The following IDH3A variants were observed in gnomAD, a reference collection of about 807,000 sequenced individuals.
IDH3A encodes the protein isocitrate dehydrogenase (NAD(+)) 3 catalytic subunit alpha.
In IDH3A, 23 loss-of-function variants were observed where a neutral mutation model predicts 43.3. The ratio of observed to expected loss-of-function variants is 0.53; its 90% confidence interval spans 0.38 to 0.75. IDH3A has a LOEUF of 0.75. Ranked by LOEUF, IDH3A falls within the 30% of genes least tolerant of loss-of-function variation. The pLI, the probability that IDH3A is intolerant of heterozygous loss-of-function variation, is 0.00. For synonymous variants in IDH3A, 154 were observed against 163.5 expected (o/e 0.94, Z 0.44); for missense variants, 329 against 474.4 (o/e 0.69, Z 2.85).
At chr15:78,164,932 G>A (rs1213767165) in intron 8 of IDH3A, 60 bp from the exon 9 acceptor site, 8 of 1,283,160 alleles carry the variant, frequency 6.2e-6, no homozygotes, top group African/African-American at 1.5e-5. Flanking sequence ...CTAAAATCTG[G>A]GTGCTAGGTG....
intron 3 of IDH3A, among the ~76,000 whole-genome samples, chr15:78,158,633 C>T (rs1253532298): frequency 4.0e-5 from 6 of 149,860 alleles, no homozygotes; most frequent in Non-Finnish European, 7.4e-5. Context: ...CATGCCACCA[C>T]GCCTGGCTAA....
At chr15:78,165,454 G>A (rs1433432649) in intron 9 of IDH3A, among the ~76,000 whole-genome samples, 1 of 152,006 alleles carries the variant, frequency 6.6e-6, no homozygotes, top group Admixed American at 6.6e-5. Context: ...GCCTCCCAAA[G>A]TTGCTGGGAT....
In IDH3A at chr15:78,171,520, A is replaced by C; in HGVS notation, c.*2515A>C. The stretch of plus-strand genomic sequence containing the variant: ...CAAAACTGTGAGCCGTTTCAGTTTC[A>C]TCGTGGGACCTAAAAGGGAAATGAG... On this transcript the variant is annotated 3_prime_UTR_variant, in exon 11 of 11. Transcript: ENST00000299518. The C allele has an allele frequency of 6.2e-7, 1 of 1,614,082 alleles. No individual in the cohort carries two copies. The highest frequency in any genetic ancestry group is 8.5e-7 in the Non-Finnish European group (1 of 1,179,918).
chr15:78,169,233 G>A lies in IDH3A; in HGVS notation c.*228G>A. ...TGTTTTATTTATTAAGTGTCTACCT[G>A]GTAAATGTTTTTTTTGTAAACTCTG... On this transcript the variant is annotated 3_prime_UTR_variant, in exon 11 of 11. Transcript: ENST00000299518. 2.9e-6 allele frequency: 1 copy of A among 342,924 alleles called. No homozygotes were observed. The highest frequency in any genetic ancestry group is 5.3e-6 in the Non-Finnish European group (1 of 190,028). 21.2% of individuals were successfully genotyped at this position (342,924 alleles called of 1,614,324 possible).
intron 6 of IDH3A, 30 bp downstream of exon 6, chr15:78,162,397 T>C (rs756401066): frequency 2.9e-5 from 46 of 1,609,718 alleles, no homozygotes; most frequent in Non-Finnish European, 3.7e-5. Context: ...CGGCACCCCA[T>C]CTTGCTTTGT....
rs769283673 is a variant in IDH3A at position 78,160,128 on chromosome 15, A to G, written c.211A>G (p.Ile71Val). ...IQWEERNVTA[I>V]QGPGGKWMIP... ...GTGGGAGGAGCGGAACGTCACTGCC[A>G]TTCAAGGACCTGGAGGAAAGTGGAT... Residue 71 changes from isoleucine (I) to valine (V), a missense_variant, in exon 4 of 11, where the codon ATT becomes GTT. By Grantham distance (29) the Ile-to-Val change is conservative. Around this residue, in one of 3 missense-constraint regions of IDH3A, gnomAD observed 212 missense variants for 345.5 expected, o/e 0.61. Transcript: ENST00000299518. 3 of 1,613,534 alleles carry G rather than the reference A, an allele frequency of 1.9e-6. No homozygotes were observed. In the Admixed American group the frequency reaches 5.0e-5, roughly 27 times the overall value.
chr15:78,161,514 G>A lies in IDH3A; in HGVS notation c.290-67G>A. 2 of 1,280,440 alleles carry A rather than the reference G, an allele frequency of 1.6e-6. No homozygotes were observed. The highest frequency in any genetic ancestry group is 2.2e-6 in the Non-Finnish European group (2 of 901,082). 79.3% of individuals were successfully genotyped at this position (1,280,440 alleles called of 1,614,324 possible). A position where few individuals can be genotyped will look rare whatever the true frequency, so the allele number is the denominator to read the frequency against. ...CACATTTCACAAGGTAGCCGAGGTGGGTTAGTAGGTCACACGTGAGACCAG... is the reference window on the plus strand; with the variant it reads ...CACATTTCACAAGGTAGCCGAGGTGAGTTAGTAGGTCACACGTGAGACCAG... On this transcript the variant is annotated intron_variant, in intron 4 of 10. Transcript: ENST00000299518. This position sits in a 1 kb window ranked among gnomAD's most constrained non-coding sequence, Gnocchi z 4.8.
Position 78,162,310 on chromosome 15 carries a change from A to G in IDH3A, c.554A>G (p.Glu185Gly). ...ASKRIAEFAF[E>G]YARNNHRSNV... ...AAGCGCATTGCTGAGTTTGCCTTTGAGTATGCCCGGAACAACCACCGGAGC... is the reference window on the plus strand; with the variant it reads ...AAGCGCATTGCTGAGTTTGCCTTTGGGTATGCCCGGAACAACCACCGGAGC... Residue 185 changes from glutamate to glycine, a missense_variant, in exon 6 of 11, where the codon GAG (glutamate) becomes GGG (glycine). Physicochemically the swap from Glu to Gly is moderately conservative, Grantham distance 98 (BLOSUM62 -2). Transcript: ENST00000299518. The G allele has an allele frequency of 6.2e-7, 1 of 1,614,070 alleles. No individual in the cohort carries two copies. The highest frequency in any genetic ancestry group is 8.5e-7 in the Non-Finnish European group (1 of 1,180,014).
In IDH3A at chr15:78,169,738, G is replaced by A. The variant is rs570171085; in HGVS notation, c.*733G>A. On this transcript the variant is annotated 3_prime_UTR_variant, in exon 11 of 11. Transcript: ENST00000299518. ...AATATTCTTTCCAAGAGCTTTTAATGAAGCAGAGAGCTAGTACTTCATTTT... is the reference window on the plus strand; with the variant it reads ...AATATTCTTTCCAAGAGCTTTTAATAAAGCAGAGAGCTAGTACTTCATTTT... The A allele has an allele frequency of 6.6e-6, 1 of 152,310 alleles. No individual in the cohort carries two copies. Among genetic ancestry groups the A allele is most frequent in the South Asian group, 2.1e-4 (1 of 4,824 alleles). The allele number at this position is 152,310 out of a possible 1,614,324, so 9.4% of individuals were successfully genotyped here.
Position 78,149,398 on chromosome 15 carries a change from G to C in IDH3A, c.-6G>C, listed in dbSNP as rs2074552706. The C allele has an allele frequency of 1.3e-6, 2 of 1,548,880 alleles. No homozygotes were observed. Among genetic ancestry groups the C allele is most frequent in the African/African-American group, 2.8e-5 (2 of 70,740 alleles). On this transcript the variant is annotated 5_prime_UTR_variant, in exon 1 of 11. Transcript: ENST00000299518. ...GGCTGTTGCTGCGGAGCCAGGAGGG[G>C]AAGCGATGGCTGGGCCCGCGTGGAT...
chr15:78,157,831 T>G (rs573172530), intron 3 of IDH3A, among the ~76,000 whole-genome samples, 200 bp downstream of exon 3: 1 of 152,126 alleles, frequency 6.6e-6, no homozygotes, highest in East Asian at 1.9e-4. Context: ...TTTCTTTTTT[T>G]TTTTTTTTTA....
At chr15:78,163,077 C>A (rs983910795) in intron 6 of IDH3A, among the ~76,000 whole-genome samples, 1 of 152,204 alleles carries the variant, frequency 6.6e-6, no homozygotes, top group African/African-American at 2.4e-5. Context: ...ATGTGTTACT[C>A]CAGCAACTTA....
chr15:78,156,188 G>A (rs1192263240), intron 2 of IDH3A, among the ~76,000 whole-genome samples: 1 of 152,074 alleles, frequency 6.6e-6, no homozygotes, highest in Non-Finnish European at 1.5e-5. Context: ...CATTTCAAAC[G>A]CATTCTGAAA....
intron 3 of IDH3A, chr15:78,159,820 G>GT: frequency 3.0e-6 from 1 of 328,840 alleles, no homozygotes; most frequent in Non-Finnish European, 5.9e-6. Flanking sequence ...GTGAGACCCT[G>GT]TCTCTACAAA....
chr15:78,155,395 A>G lies in IDH3A; in HGVS notation c.90+120A>G, dbSNP rs2074615720. 11 of 632,298 alleles carry G rather than the reference A, an allele frequency of 1.7e-5. No individual in the cohort carries two copies. In the South Asian group the frequency reaches 2.2e-4, roughly 13 times the overall value. 39.2% of individuals were successfully genotyped at this position (632,298 alleles called of 1,614,324 possible). A position where few individuals can be genotyped will look rare whatever the true frequency, so the allele number is the denominator to read the frequency against. On this transcript the variant is annotated intron_variant, in intron 2 of 10. Transcript: ENST00000299518. ...TTTAGAATTTGGGAAAATTGGCCAT[A>G]TTTATAATGTATGTTGAAATTACTG... is the stretch of plus-strand genomic sequence containing the variant.
chr15:78,153,309 G>A (rs536557309), intron 1 of IDH3A, among the ~76,000 whole-genome samples: 26 of 152,298 alleles, frequency 1.7e-4, no homozygotes, highest in African/African-American at 6.3e-4. Flanking sequence ...TGCACAGCCT[G>A]GTTGGTTGGG....
chr15:78,165,980 C>T (rs1015334367), intron 9 of IDH3A, 170 bp from the exon 10 acceptor site: 3 of 626,474 alleles, frequency 4.8e-6, no homozygotes, highest in African/African-American at 1.8e-5. Flanking sequence ...TGAGCTATCA[C>T]GCCCAACCCA....
At chr15:78,162,919 C>T (rs1272326383) in intron 6 of IDH3A, among the ~76,000 whole-genome samples, 1 of 152,182 alleles carries the variant, frequency 6.6e-6, no homozygotes, top group Non-Finnish European at 1.5e-5. Context: ...GATTCAGGTC[C>T]TGGAAGCTCA....
intron 4 of IDH3A, among the ~76,000 whole-genome samples, chr15:78,160,967 C>T (rs1411947245): frequency 4.6e-5 from 7 of 152,168 alleles, no homozygotes; most frequent in African/African-American, 1.2e-4. Context: ...CTACAACCTC[C>T]GCCTTCTGGA....
Sources: gnomAD v4.1 joint callset for allele counts (sites outside exome capture counted in the v4.1 genomes callset) on GRCh38, gnomAD v4.1.1 for gene constraint, gnomAD v4.1.1 regional missense constraint, Gnocchi (gnomAD v3.1) non-coding constraint, MANE v1.5 for transcripts, NCBI Gene and HGNC (gene_info 2026-07-23, HGNC 2026-07-21) for gene names.